The following KCNIP4 variants were observed in gnomAD, a reference collection of about 807,000 sequenced individuals.
The protein encoded by KCNIP4 is Kv channel-interacting protein 4.
Under a neutral mutation model 34.0 loss-of-function variants are expected in KCNIP4, and 12 were observed. The observed-to-expected ratio is 0.35, with a 90% confidence interval of 0.23 to 0.57. KCNIP4 has a LOEUF of 0.57. KCNIP4 is among the 20% of genes least tolerant of loss of function. The pLI is 0.83. For missense variants in KCNIP4, 238 were observed against 311.7 expected (o/e 0.76, Z 1.78); for synonymous variants, 124 against 102.2 (o/e 1.21, Z -1.29).
chr4:21,092,496 T>C (rs1361635916), intron 1 of KCNIP4, among the ~76,000 whole-genome samples: 2 of 152,200 alleles, frequency 1.3e-5, no homozygotes, highest in African/African-American at 4.8e-5. Context: ...GCAAAATATA[T>C]GTTATGGTTA....
At chr4:21,765,249 G>C in intron 1 of KCNIP4, among the ~76,000 whole-genome samples, 1 of 151,452 alleles carries the variant, frequency 6.6e-6, no homozygotes, top group East Asian at 2.0e-4. Context: ...TCGACCTCCG[G>C]GGCTCAAGTG....
intron 1 of KCNIP4, among the ~76,000 whole-genome samples, chr4:20,950,010 A>G (rs1452107386): frequency 2.7e-5 from 4 of 150,776 alleles, no homozygotes; most frequent in Non-Finnish European, 5.9e-5. Context: ...AAGTATAATA[A>G]TAAATAAATA....
At chr4:21,603,833 A>T (rs894731081) in intron 1 of KCNIP4, among the ~76,000 whole-genome samples, 1 of 152,188 alleles carries the variant, frequency 6.6e-6, no homozygotes, top group Non-Finnish European at 1.5e-5. Context: ...ATAGAATTGG[A>T]TTCTCATGTC....
intron 1 of KCNIP4, among the ~76,000 whole-genome samples, chr4:21,785,642 A>AT (rs1327201849): frequency 6.6e-6 from 1 of 152,094 alleles, no homozygotes; most frequent in African/African-American, 2.4e-5. Flanking sequence ...ATGAGCTATT[A>AT]TCCCCAATCC....
At chr4:21,634,369 T>A (rs1473502949) in intron 1 of KCNIP4, among the ~76,000 whole-genome samples, 2 of 152,072 alleles carry the variant, frequency 1.3e-5, no homozygotes, top group African/African-American at 4.8e-5. Context: ...CTTTCATGTA[T>A]CTTCTACTAT....
At chr4:21,151,020 G>A (rs1053191785) in intron 1 of KCNIP4, among the ~76,000 whole-genome samples, 1 of 152,074 alleles carries the variant, frequency 6.6e-6, no homozygotes, top group Non-Finnish European at 1.5e-5. Flanking sequence ...CTTGCTAGAA[G>A]GGAAAAAGAG....
chr4:21,447,025 A>G (rs80285203), intron 1 of KCNIP4, among the ~76,000 whole-genome samples: 1 of 152,082 alleles, frequency 6.6e-6, no homozygotes, highest in Non-Finnish European at 1.5e-5. Flanking sequence ...AAGAGACTGA[A>G]CATCAACTGT....
chr4:21,641,291 C>A (rs563322002), intron 1 of KCNIP4, among the ~76,000 whole-genome samples: 17 of 152,304 alleles, frequency 1.1e-4, no homozygotes, highest in East Asian at 3.9e-4. Flanking sequence ...TGTCAGTTGA[C>A]AAACTTGGGT....
chr4:21,837,931 T>A (rs1723452116), intron 1 of KCNIP4, among the ~76,000 whole-genome samples: 1 of 152,200 alleles, frequency 6.6e-6, no homozygotes, highest in African/African-American at 2.4e-5. Context: ...TCTCCAGGCA[T>A]GTTTTTCTCC....
Position 21,589,265 on chromosome 4 carries a change from G to GTATATGTATCT in KCNIP4, c.61+359305_61+359306insAGATACATATA, listed in dbSNP as rs1560540556. On this transcript the variant is annotated intron_variant, in intron 1 of 8. Coordinates refer to ENST00000382152, the MANE Select transcript of KCNIP4 (RefSeq NM_025221.6). The stretch of plus-strand genomic sequence containing the variant: ...ATATATACATATATGTATCTATACA[G>GTATATGTATCT]ATACATATATGTATAGATACATATA... Among the ~76,000 whole-genome samples the GTATATGTATCT allele has an allele frequency of 3.5e-5, 4 of 113,410 alleles. No homozygotes were observed. The South Asian group carries it at 8.6e-4, about 24-fold the overall frequency. 74.4% of individuals were successfully genotyped at this position (113,410 alleles called of 152,430 possible).
At chr4:21,616,829 G>A (rs918787418) in intron 1 of KCNIP4, among the ~76,000 whole-genome samples, 5 of 152,048 alleles carry the variant, frequency 3.3e-5, no homozygotes, top group African/African-American at 4.8e-5. Context: ...ATCTTAATAC[G>A]TGTTACATCT....
At chr4:21,194,735 T>C (rs1349569219) in intron 1 of KCNIP4, among the ~76,000 whole-genome samples, 2 of 152,234 alleles carry the variant, frequency 1.3e-5, no homozygotes, top group South Asian at 4.1e-4. Flanking sequence ...CAAACTGGCA[T>C]TGGAGCTCAT....
chr4:21,864,295 C>T (rs953575012), intron 1 of KCNIP4, among the ~76,000 whole-genome samples: 2 of 152,148 alleles, frequency 1.3e-5, no homozygotes, highest in African/African-American at 2.4e-5. Flanking sequence ...AAGGGAAACA[C>T]AATAGGTAAC....
At chr4:21,014,027 A>G (rs945618282) in intron 1 of KCNIP4, among the ~76,000 whole-genome samples, 1 of 151,946 alleles carries the variant, frequency 6.6e-6, no homozygotes, top group African/African-American at 2.4e-5. Context: ...CCATTCTCAG[A>G]CCTCACTTTC....
chr4:21,231,940 C>T (rs912961177), intron 1 of KCNIP4, among the ~76,000 whole-genome samples: 10 of 152,112 alleles, frequency 6.6e-5, no homozygotes, highest in African/African-American at 2.2e-4. Flanking sequence ...TGCACTCAAT[C>T]AGAGGAAGAA....
intron 2 of KCNIP4, among the ~76,000 whole-genome samples, chr4:20,864,053 TATACAC>T (rs766585094): frequency 3.2e-5 from 4 of 125,438 alleles, no homozygotes; most frequent in Admixed American, 7.9e-5. Context: ...CGCATGTATG[TATACAC>T]ATGTATGTAT....
intron 3 of KCNIP4, among the ~76,000 whole-genome samples, chr4:20,814,772 T>G (rs1036250241): frequency 6.6e-6 from 1 of 152,206 alleles, no homozygotes; most frequent in Non-Finnish European, 1.5e-5. Flanking sequence ...CTAGTTGCCT[T>G]TCTCAGTGTT....
chr4:21,712,965 TTCTTTCCTTCCCCATTTCTTTCAC>T (rs1179282530), intron 1 of KCNIP4, among the ~76,000 whole-genome samples: 1 of 152,164 alleles, frequency 6.6e-6, no homozygotes, highest in Non-Finnish European at 1.5e-5. Context: ...CTGTTCCATC[TTCTTTCCTTCCCCATTTCTTTCAC>T]TCTTTCCTTC....
chr4:21,928,108 C>CTA (rs144162392), intron 1 of KCNIP4, among the ~76,000 whole-genome samples: 156 of 142,782 alleles, frequency 1.1e-3, no homozygotes, highest in African/African-American at 2.6e-3. Flanking sequence ...CCAGATTAGA[C>CTA]TATATATATA....
Sources: allele counts gnomAD v4.1 joint callset (sites outside exome capture counted in the v4.1 genomes callset), GRCh38; gene constraint gnomAD v4.1.1; transcripts MANE v1.5; gene names NCBI Gene and HGNC (gene_info 2026-07-23, HGNC 2026-07-21).